The following RFX2 variants were observed in gnomAD, a reference collection of about 807,000 sequenced individuals.
RFX2 encodes regulatory factor X2, also known as DNA-binding protein RFX2.
A neutral mutation model predicts 87.8 loss-of-function variants in RFX2; 20 were observed. That is an observed-to-expected ratio of 0.23 (90% CI 0.16 to 0.33). The LOEUF is 0.33. RFX2 is among the 10% of genes least tolerant of loss of function. RFX2 has a pLI of 1.00. For synonymous variants in RFX2, 397 were observed against 431.3 expected (o/e 0.92, Z 0.98); for missense variants, 767 against 1,012.3 (o/e 0.76, Z 3.29).
Position 6,011,868 on chromosome 19 carries a change from AG to A in RFX2, c.899+1117del, listed in dbSNP as rs992874499. Among the ~76,000 whole-genome samples the A allele has an allele frequency of 9.9e-5, 15 of 152,084 alleles. No individual in the cohort carries two copies. The highest frequency in any genetic ancestry group is 9.8e-4 in the Admixed American group (15 of 15,276). ...CTATTGCAATGTGGCCCCTGCCCTC[AG>A]GGGGGGCACTTGTGGAGGCACACTG... On this transcript the variant is annotated intron_variant, in intron 8 of 17. Transcript: ENST00000303657. The surrounding 1 kb of genome is among the most constrained non-coding windows in gnomAD (Gnocchi z 4.8).
chr19:6,099,848 C>T (rs909405877), intron 1 of RFX2, among the ~76,000 whole-genome samples: 4 of 152,218 alleles, frequency 2.6e-5, no homozygotes, highest in African/African-American at 9.7e-5. Flanking sequence ...TCTGTTCACC[C>T]TCACTCCCAC....
In RFX2 at chr19:6,042,166, G is replaced by A. The variant is rs1168153164; in HGVS notation, c.181-43C>T. On this transcript the variant is annotated intron_variant, in intron 3 of 17. Transcript: ENST00000303657. ...CTGCGTTACCGCCAGTCACGCCCTC[G>A]TGAGTTGCCTGCAGATTATTCAAGC... is the stretch of plus-strand genomic sequence containing the variant. 8 of 1,550,322 alleles carry A rather than the reference G, an allele frequency of 5.2e-6. No individual in the cohort carries two copies. The African/African-American group carries it at 5.4e-5, about 11-fold the overall frequency.
Position 6,045,007 on chromosome 19 carries a change from G to A in RFX2, c.91-725C>T, listed in dbSNP as rs576853750. On this transcript the variant is annotated intron_variant, in intron 2 of 17. Transcript: ENST00000303657. This position sits in a 1 kb window ranked among gnomAD's most constrained non-coding sequence, Gnocchi z 5.2. ...GGGTCAAAGTGAACTCGAGTCGAGGGAGGAACAGGAGTGTTTTGTGTGTTT... is the reference window on the plus strand; with the variant it reads ...GGGTCAAAGTGAACTCGAGTCGAGGAAGGAACAGGAGTGTTTTGTGTGTTT... 1.3e-5 allele frequency among the ~76,000 whole-genome samples: 2 copies of A among 152,320 alleles called. No individual in the cohort carries two copies. The highest frequency in any genetic ancestry group is 3.9e-4 in the East Asian group (2 of 5,180).
intron 3 of RFX2, 23 bp from the exon 4 acceptor site, chr19:6,042,146 T>TATCCGA: frequency 6.2e-7 from 1 of 1,610,272 alleles, no homozygotes; most frequent in Non-Finnish European, 8.5e-7. Flanking sequence ...ATACGCTGCG[T>TATCCGA]TACCGCCAGT....
intron 1 of RFX2, among the ~76,000 whole-genome samples, chr19:6,081,076 C>T (rs1486574542): frequency 2.0e-5 from 3 of 151,830 alleles, no homozygotes; most frequent in Non-Finnish European, 2.9e-5. Context: ...AAGGGAAGCC[C>T]CAGGAGGCTC....
At chr19:6,057,326 T>C (rs2087359066) in intron 1 of RFX2, 2 of 152,128 alleles carry the variant, frequency 1.3e-5, no homozygotes, top group African/African-American at 2.4e-5. Flanking sequence ...AGGCTTCTGT[T>C]TACAGAAAAA....
chr19:6,104,872 C>G (rs2088188555), intron 1 of RFX2, among the ~76,000 whole-genome samples: 1 of 152,126 alleles, frequency 6.6e-6, no homozygotes, highest in Admixed American at 6.6e-5. Flanking sequence ...GTAATCCCAG[C>G]ACTTTGGGAG....
chr19:6,020,657 G>A lies in RFX2; in HGVS notation c.598-4386C>T, dbSNP rs942419792. Among the ~76,000 whole-genome samples the A allele has an allele frequency of 1.3e-5, 2 of 152,182 alleles. No homozygotes were observed. Among genetic ancestry groups the A allele is most frequent in the African/African-American group, 4.8e-5 (2 of 41,444 alleles). On this transcript the variant is annotated intron_variant, in intron 6 of 17. Coordinates refer to ENST00000303657, the MANE Select transcript of RFX2 (RefSeq NM_000635.4). The surrounding 1 kb of genome is among the most constrained non-coding windows in gnomAD (Gnocchi z 5.3). ...TGAAACCGACCACGAGGGTCCAGCC[G>A]CTCCAACCACACTCGCCCACCTCCC...
rs1284885887 is a variant in RFX2 at position 6,011,808 on chromosome 19, G to A, written c.899+1178C>T. 6.6e-6 allele frequency among the ~76,000 whole-genome samples: 1 copy of A among 152,240 alleles called. No individual in the cohort carries two copies. Among genetic ancestry groups the A allele is most frequent in the Non-Finnish European group, 1.5e-5 (1 of 68,040 alleles). On this transcript the variant is annotated intron_variant, in intron 8 of 17. Coordinates refer to ENST00000303657, the MANE Select transcript of RFX2 (RefSeq NM_000635.4). The surrounding 1 kb of genome is among the most constrained non-coding windows in gnomAD (Gnocchi z 4.8). Reference sequence around the variant, plus strand: ...ACATACACGGGTGGCTCTGTGCAGAGGGTCCAGCACCAGGTGTAAAGGTGC... The same window carrying A: ...ACATACACGGGTGGCTCTGTGCAGAAGGTCCAGCACCAGGTGTAAAGGTGC...
intron 1 of RFX2, among the ~76,000 whole-genome samples, chr19:6,072,662 A>G (rs1386322680): frequency 6.6e-6 from 1 of 152,084 alleles, no homozygotes; most frequent in Non-Finnish European, 1.5e-5. Context: ...CAATGATTAT[A>G]CCACTGCACT....
Position 6,002,622 on chromosome 19 carries a change from G to A in RFX2, c.1650+99C>T. ...CAACAGAACCGTGGCCAGGCTCGGG[G>A]CAGGGGCCAGGTTGTGCCACGGGCT... On this transcript the variant is annotated intron_variant, in intron 14 of 17. Transcript: ENST00000303657. The surrounding 1 kb of genome is among the most constrained non-coding windows in gnomAD (Gnocchi z 6.7). The A allele has an allele frequency of 6.9e-7, 1 of 1,459,026 alleles. No homozygotes were observed. The highest frequency in any genetic ancestry group is 9.4e-7 in the Non-Finnish European group (1 of 1,059,990). 90.4% of individuals were successfully genotyped at this position (1,459,026 alleles called of 1,614,324 possible).
Position 6,012,492 on chromosome 19 carries a change from G to C in RFX2, c.899+494C>G, listed in dbSNP as rs1170370999. Among the ~76,000 whole-genome samples the C allele has an allele frequency of 6.6e-6, 1 of 152,068 alleles. No individual in the cohort carries two copies. The highest frequency in any genetic ancestry group is 2.4e-5 in the African/African-American group (1 of 41,374). ...GGACTCTGCGTGACACTGTGATGGG[G>C]GACACATGTCATTATAGGTTTGTCC... On this transcript the variant is annotated intron_variant, in intron 8 of 17. Transcript: ENST00000303657. This position sits in a 1 kb window ranked among gnomAD's most constrained non-coding sequence, Gnocchi z 4.6.
At position 6,040,355 on chromosome 19, in the gene RFX2, CAT is replaced by C; in HGVS notation, c.261-116_261-115del. On this transcript the variant is annotated intron_variant, in intron 4 of 17. Coordinates refer to ENST00000303657, the MANE Select transcript of RFX2 (RefSeq NM_000635.4). The surrounding 1 kb of genome is among the most constrained non-coding windows in gnomAD (Gnocchi z 6.1). ...AAAGCTGCAACCCAGAGAGGCCAGACATATGGAGCAATTCGGACGTGGCATAT... is the reference window on the plus strand; with the variant it reads ...AAAGCTGCAACCCAGAGAGGCCAGACATGGAGCAATTCGGACGTGGCATAT... The C allele has an allele frequency of 8.9e-7, 1 of 1,121,572 alleles. No homozygotes were observed. Among genetic ancestry groups the C allele is most frequent in the Non-Finnish European group, 1.2e-6 (1 of 809,888 alleles). The allele number at this position is 1,121,572 out of a possible 1,614,324, so 69.5% of individuals were successfully genotyped here. A position where few individuals can be genotyped will look rare whatever the true frequency, so the allele number is the denominator to read the frequency against.
Position 6,010,344 on chromosome 19 carries a change from A to ATGTG in RFX2, c.900-97_900-94dup. 2.5e-6 allele frequency: 2 copies of ATGTG among 788,864 alleles called. No homozygotes were observed. Among genetic ancestry groups the ATGTG allele is most frequent in the South Asian group, 3.0e-5 (2 of 66,702 alleles). 48.9% of individuals were successfully genotyped at this position (788,864 alleles called of 1,614,324 possible). On this transcript the variant is annotated intron_variant, in intron 8 of 17. Coordinates refer to ENST00000303657, the MANE Select transcript of RFX2 (RefSeq NM_000635.4). The surrounding 1 kb of genome is among the most constrained non-coding windows in gnomAD (Gnocchi z 5.0). ...GGGGCTGGGCAGGATTCAGTCAGGC[A>ATGTG]TGTGTGTGTGATGTTTACAAGTTGC...
chr19:6,042,431 T>C (rs1301480279), intron 3 of RFX2, among the ~76,000 whole-genome samples: 2 of 151,654 alleles, frequency 1.3e-5, no homozygotes, highest in Non-Finnish European at 2.9e-5. Flanking sequence ...GCTCCTCCAG[T>C]GCAGTGGAAA....
intron 1 of RFX2, among the ~76,000 whole-genome samples, chr19:6,059,023 A>T (rs2087389478): frequency 6.6e-6 from 1 of 151,566 alleles, no homozygotes; most frequent in South Asian, 2.1e-4. Context: ...TCTGTCACCC[A>T]GACTAGAGTG....
In RFX2 at chr19:6,001,792, CT is replaced by C; in HGVS notation, c.1859+22del. ...AGAGCCCCCCACCCGCCAGAATTCT[CT>C]CGGAGGTCTGGTGGGACTAACCTGT... On this transcript the variant is annotated intron_variant, in intron 15 of 17. Transcript: ENST00000303657. The surrounding 1 kb of genome is among the most constrained non-coding windows in gnomAD (Gnocchi z 5.6). 6.4e-7 allele frequency: 1 copy of C among 1,563,374 alleles called. No homozygotes were observed. Among genetic ancestry groups the C allele is most frequent in the East Asian group, 2.3e-5 (1 of 44,130 alleles).
In RFX2 at chr19:6,007,982, G is replaced by A. The variant is rs755991362; in HGVS notation, c.1134+124C>T. 6 of 820,300 alleles carry A rather than the reference G, an allele frequency of 7.3e-6. No homozygotes were observed. Among genetic ancestry groups the A allele is most frequent in the South Asian group, 2.9e-5 (2 of 68,214 alleles). The allele number at this position is 820,300 out of a possible 1,614,324, so 50.8% of individuals were successfully genotyped here. A position where few individuals can be genotyped will look rare whatever the true frequency, so the allele number is the denominator to read the frequency against. The stretch of plus-strand genomic sequence containing the variant: ...GATGCGGAGGGGCTGCTGCTTCAGA[G>A]AGGATGCTTGTTGGGGGGCTCGGGG... On this transcript the variant is annotated intron_variant, in intron 10 of 17. Transcript: ENST00000303657. The surrounding 1 kb of genome is among the most constrained non-coding windows in gnomAD (Gnocchi z 8.2).
In RFX2 at chr19:6,017,016, ACTGAGATCC is replaced by A. The variant is rs144668721; in HGVS notation, c.598-754_598-746del. On this transcript the variant is annotated intron_variant, in intron 6 of 17. Transcript: ENST00000303657. The surrounding 1 kb of genome is among the most constrained non-coding windows in gnomAD (Gnocchi z 4.1). ...TGTAGTGAGCAGTGAGCTAACATGT[ACTGAGATCC>A]CTTATTGAGGGAGGTACAAATGGAA... Among the ~76,000 whole-genome samples the A allele has an allele frequency of 0.016, 2,465 of 152,294 alleles. 74 individuals carry two copies. Among genetic ancestry groups the A allele is most frequent in the African/African-American group, 0.056 (2,346 of 41,544 alleles).
Sources: gnomAD v4.1 joint callset for allele counts (sites outside exome capture counted in the v4.1 genomes callset) on GRCh38, gnomAD v4.1.1 for gene constraint, Gnocchi (gnomAD v3.1) non-coding constraint, MANE v1.5 for transcripts, NCBI Gene and HGNC (gene_info 2026-07-23, HGNC 2026-07-21) for gene names.